The following ZNF660 variants were observed in gnomAD, a reference collection of about 807,000 sequenced individuals.
ZNF660 encodes the protein zinc finger protein 660.
Under a neutral mutation model 23.2 loss-of-function variants are expected in ZNF660, and 24 were observed. The ratio of observed to expected loss-of-function variants is 1.04; its 90% CI spans 0.75 to 1.46. ZNF660 has a LOEUF of 1.46. Ranked by LOEUF, ZNF660 falls within the 40% of genes most tolerant of loss-of-function variation. The pLI is 0.00. For synonymous variants in ZNF660, 117 were observed against 131.4 expected (o/e 0.89, Z 0.75); for missense variants, 373 against 396.8 (o/e 0.94, Z 0.51).
chr3:44,588,768 A>C (rs1700317102), intron 2 of ZNF660, among the ~76,000 whole-genome samples: 1 of 151,866 alleles, frequency 6.6e-6, no homozygotes, highest in Non-Finnish European at 1.5e-5. Flanking sequence ...ACCGTGCCCG[A>C]CCCTCAGTAA....
At chr3:44,591,260 T>C (rs1315885815) in intron 2 of ZNF660, among the ~76,000 whole-genome samples, 2 of 152,128 alleles carry the variant, frequency 1.3e-5, no homozygotes, top group African/African-American at 4.8e-5. Context: ...TCCTGAGTAA[T>C]TGGGACTACA....
chr3:44,591,521 G>A (rs1700426392), intron 2 of ZNF660, among the ~76,000 whole-genome samples: 1 of 152,132 alleles, frequency 6.6e-6, no homozygotes, highest in Non-Finnish European at 1.5e-5. Flanking sequence ...TTTGTCCTAG[G>A]AATATATTTT....
intron 2 of ZNF660, among the ~76,000 whole-genome samples, chr3:44,593,708 AG>A (rs1179070627): frequency 1.3e-5 from 2 of 150,782 alleles, no homozygotes; most frequent in Non-Finnish European, 3.0e-5. Flanking sequence ...AAAAAAAAAA[AG>A]CAACGAGTTA....
At chr3:44,593,112 G>A (rs925608008) in intron 2 of ZNF660, among the ~76,000 whole-genome samples, 6 of 151,794 alleles carry the variant, frequency 4.0e-5, no homozygotes, top group African/African-American at 1.5e-4. Flanking sequence ...AGGCTATGAT[G>A]TGACTAGGCT....
chr3:44,588,509 TA>T (rs987160004), intron 2 of ZNF660, among the ~76,000 whole-genome samples: 17 of 152,240 alleles, frequency 1.1e-4, no homozygotes, highest in Admixed American at 3.3e-4. Context: ...TCTGTTTTTT[TA>T]TTTTTTTAAT....
Position 44,594,506 on chromosome 3 carries a change from C to T in ZNF660, c.313C>T (p.Pro105Ser). ...VHRRIHTGLKPYTCSECGKSF... is the reference protein window; with the variant it reads ...VHRRIHTGLKSYTCSECGKSF... ...TCGGAGAATCCACACTGGACTGAAG[C>T]CCTATACATGCAGTGAATGTGGGAA... The change falls in exon 3 of 3, where the codon CCC becomes TCC. Residue 105 changes from proline to serine, a missense_variant. Coordinates refer to ENST00000322734, the MANE Select transcript of ZNF660 (RefSeq NM_173658.4). 2 of 1,614,128 alleles carry T rather than the reference C, an allele frequency of 1.2e-6. No individual in the cohort carries two copies. The highest frequency in any genetic ancestry group is 1.7e-6 in the Non-Finnish European group (2 of 1,180,026).
chr3:44,593,925 A>G (rs1298442680), intron 2 of ZNF660, 89 bp from the exon 3 acceptor site: 2 of 550,394 alleles, frequency 3.6e-6, no homozygotes, highest in African/African-American at 3.7e-5. Flanking sequence ...TAACCCTTCC[A>G]TATGGCTACC....
Position 44,595,172 on chromosome 3 carries a change from G to T in ZNF660, c.979G>T (p.Glu327Ter). The change falls in exon 3 of 3, where the codon GAG becomes TAG. Residue 327 changes from glutamate (E) to a stop codon, truncating the protein, a stop_gained. Transcript: ENST00000322734. LOFTEE classifies it high-confidence loss of function. ...TCAACACCAGAGGAAACATAATGAG[G>T]AGAAAGAAACCTCATAAATAACAAA... is the stretch of plus-strand genomic sequence containing the variant. ...LIQHQRKHNE[E>*]KETS 6.4e-7 allele frequency: 1 copy of T among 1,572,962 alleles called. No individual in the cohort carries two copies. Among genetic ancestry groups the T allele is most frequent in the Non-Finnish European group, 8.6e-7 (1 of 1,162,084 alleles).
rs1700617371 is a variant in ZNF660 at position 44,596,617 on chromosome 3, T to G, written c.*1428T>G. ...CTCAGCACTTCATCACACTTCTCTCTTAACTCCATAATTTTCAGCATGTTG... is the reference window on the plus strand; with the variant it reads ...CTCAGCACTTCATCACACTTCTCTCGTAACTCCATAATTTTCAGCATGTTG... On this transcript the variant is annotated 3_prime_UTR_variant, in exon 3 of 3. Transcript: ENST00000322734. 6.6e-6 allele frequency: 1 copy of G among 152,220 alleles called. No individual in the cohort carries two copies. Among genetic ancestry groups the G allele is most frequent in the African/African-American group, 2.4e-5 (1 of 41,442 alleles). 9.4% of individuals were successfully genotyped at this position (152,220 alleles called of 1,614,324 possible).
At chr3:44,592,310 G>A (rs2125750483) in intron 2 of ZNF660, among the ~76,000 whole-genome samples, 1 of 152,252 alleles carries the variant, frequency 6.6e-6, no homozygotes, top group South Asian at 2.1e-4. Flanking sequence ...TAAATGAAAT[G>A]AACTGCAAGA....
chr3:44,587,268 C>T (rs1296970695), intron 2 of ZNF660: 1 of 152,200 alleles, frequency 6.6e-6, no homozygotes, highest in African/African-American at 2.4e-5. Context: ...CTCTCTCTCT[C>T]TCTCTCAATA....
At chr3:44,585,918 G>A (rs1206688204) in intron 1 of ZNF660, among the ~76,000 whole-genome samples, 187 bp from the exon 2 acceptor site, 7 of 152,186 alleles carry the variant, frequency 4.6e-5, no homozygotes, top group Non-Finnish European at 4.4e-5. Flanking sequence ...TCACTCACTA[G>A]CTATAGGACC....
At position 44,592,791 on chromosome 3, in the gene ZNF660, C is replaced by T. The variant is rs185930134; in HGVS notation, c.-180-1223C>T. Among the ~76,000 whole-genome samples the T allele has an allele frequency of 2.7e-3, 415 of 152,254 alleles. 5 individuals are homozygous for T. Among genetic ancestry groups the T allele is most frequent in the Non-Finnish European group, 1.8e-3 (122 of 68,020 alleles). ...CCAACTGGCTGGGCGCGGTGGCTAA[C>T]GCCTGTAATCCTAGCACTTTGGGAG... On this transcript the variant is annotated intron_variant, in intron 2 of 2. Coordinates refer to ENST00000322734, the MANE Select transcript of ZNF660 (RefSeq NM_173658.4).
chr3:44,586,481 CAAGTTTTCCT>C (rs1262977292), intron 2 of ZNF660: 1 of 152,170 alleles, frequency 6.6e-6, no homozygotes, highest in Non-Finnish European at 1.5e-5. Context: ...CTCTAAGTTC[CAAGTTTTCCT>C]TCTGTACATT....
In ZNF660 at chr3:44,594,854, G is replaced by T. The variant is rs1280006380; in HGVS notation, c.661G>T (p.Asp221Tyr). The T allele has an allele frequency of 2.5e-6, 4 of 1,613,930 alleles. No individual in the cohort carries two copies. Among genetic ancestry groups the T allele is most frequent in the Non-Finnish European group, 1.7e-6 (2 of 1,180,018 alleles). ...IHTGEKPYEC[D>Y]ECGKTFILRK... ...CACTGGAGAGAAGCCTTATGAATGT[G>T]ATGAGTGTGGAAAAACTTTCATCTT... Residue 221 changes from aspartate (D) to tyrosine (Y), a missense_variant, in exon 3 of 3, where the codon GAT becomes TAT. Coordinates refer to ENST00000322734, the MANE Select transcript of ZNF660 (RefSeq NM_173658.4).
chr3:44,587,844 G>A (rs1700277683), intron 2 of ZNF660, among the ~76,000 whole-genome samples: 1 of 152,088 alleles, frequency 6.6e-6, no homozygotes, highest in Admixed American at 6.6e-5. Context: ...ACCTGAGGTT[G>A]GGAGTTTGAG....
Position 44,590,932 on chromosome 3 carries a change from C to T in ZNF660, c.-180-3082C>T, listed in dbSNP as rs538967537. Among the ~76,000 whole-genome samples, 25 of 152,314 alleles carry T rather than the reference C, an allele frequency of 1.6e-4. No individual in the cohort carries two copies. In the South Asian group the frequency reaches 4.6e-3, roughly 28 times the overall value. On this transcript the variant is annotated intron_variant, in intron 2 of 2. Transcript: ENST00000322734. ...AATCCACCCTCCCTCACCATTCTCT[C>T]TTCCTACCCTTCTTATCTTGGGCAT...
rs1214630595 is a variant in ZNF660, at chr3:44,595,083, C to T, written c.890C>T (p.Thr297Ile). ...SQVILHLRTH[T>I]KEKPYKCSEC... Reference sequence around the variant, plus strand: ...GTTATTCTACACTTGAGAACCCACACTAAGGAGAAACCCTATAAATGTAGT... The same window carrying T: ...GTTATTCTACACTTGAGAACCCACATTAAGGAGAAACCCTATAAATGTAGT... Residue 297 changes from threonine (T) to isoleucine (I), a missense_variant, in exon 3 of 3, where the codon ACT becomes ATT. Physicochemically the swap from Thr to Ile is moderately conservative, Grantham distance 89 (BLOSUM62 -1). Coordinates refer to ENST00000322734, the MANE Select transcript of ZNF660 (RefSeq NM_173658.4). 1 of 1,613,780 alleles carries T rather than the reference C, an allele frequency of 6.2e-7. No individual in the cohort carries two copies. The highest frequency in any genetic ancestry group is 8.5e-7 in the Non-Finnish European group (1 of 1,179,918).
Position 44,595,209 on chromosome 3 carries a change from G to A in ZNF660, c.*20G>A, listed in dbSNP as rs757468703. The A allele has an allele frequency of 6.5e-7, 1 of 1,530,066 alleles. No individual in the cohort carries two copies. The highest frequency in any genetic ancestry group is 8.8e-7 in the Non-Finnish European group (1 of 1,141,618). 94.8% of individuals were successfully genotyped at this position (1,530,066 alleles called of 1,614,324 possible). ...TCATAAATAACAAATATTGTGGGTA[G>A]TAGGGCTGACTGCTGCTTTTCTAAA... On this transcript the variant is annotated 3_prime_UTR_variant, in exon 3 of 3. Coordinates refer to ENST00000322734, the MANE Select transcript of ZNF660 (RefSeq NM_173658.4).
Sources: allele counts gnomAD v4.1 joint callset (sites outside exome capture counted in the v4.1 genomes callset), GRCh38; gene constraint gnomAD v4.1.1; transcripts MANE v1.5; gene names NCBI Gene and HGNC (gene_info 2026-07-23, HGNC 2026-07-21).